ADSS2: variants seen among roughly 807,000 people sequenced by gnomAD.
ADSS2 encodes adenylosuccinate synthase 2, also known as adenylosuccinate synthetase isozyme 2.
ADSS2 carries 30 observed loss-of-function variants against 60.0 expected under a neutral mutation model. The ratio of observed to expected loss-of-function variants is 0.50; its 90% confidence interval spans 0.37 to 0.68. The LOEUF (loss-of-function observed/expected upper bound fraction) is 0.68. Among genes scored for constraint, ADSS2 ranks in the 30% least tolerant of loss-of-function variants. ADSS2 has a pLI of 0.00. For synonymous variants in ADSS2, 187 were observed against 193.1 expected, an observed-to-expected ratio of 0.97 and a Z score of 0.26; for missense variants, 373 against 554.8, an observed-to-expected ratio of 0.67 and a Z score of 3.29.
At chr1:244,450,265 T>C (rs1665505847) in intron 1 of ADSS2, among the ~76,000 whole-genome samples, 2 of 152,106 alleles carry the variant, frequency 1.3e-5, no homozygotes, top group Admixed American at 6.5e-5. Context: ...ACCCTGAAGA[T>C]TGCTAAGGTA....
intron 11 of ADSS2, among the ~76,000 whole-genome samples, chr1:244,412,138 A>G (rs930093550): frequency 1.3e-5 from 2 of 152,114 alleles, no homozygotes; most frequent in Non-Finnish European, 2.9e-5. Context: ...AATAGAAACA[A>G]CCTGGGCACT....
At chr1:244,443,767 G>A (rs1030083871) in intron 1 of ADSS2, among the ~76,000 whole-genome samples, 1 of 152,126 alleles carries the variant, frequency 6.6e-6, no homozygotes, top group South Asian at 2.1e-4. Flanking sequence ...TCCACAGATG[G>A]GGAGGCCTAG....
chr1:244,432,687 A>AC (rs566170180), intron 3 of ADSS2, 92 bp from the exon 4 acceptor site: 5 of 651,576 alleles, frequency 7.7e-6, no homozygotes, highest in South Asian at 7.4e-5. Flanking sequence ...TTTTTGAGAC[A>AC]GAGTCTCGCT....
chr1:244,426,515 C>G (rs1168440446), intron 4 of ADSS2, among the ~76,000 whole-genome samples: 1 of 152,136 alleles, frequency 6.6e-6, no homozygotes, highest in Non-Finnish European at 1.5e-5. Flanking sequence ...ATATCTGTTT[C>G]ACTTTCTACA....
intron 9 of ADSS2, among the ~76,000 whole-genome samples, chr1:244,418,359 T>C (rs1664585422): frequency 6.6e-6 from 1 of 152,254 alleles, no homozygotes; most frequent in South Asian, 2.1e-4. Flanking sequence ...TCTCGCTCTG[T>C]TGCGCCGGCT....
intron 1 of ADSS2, among the ~76,000 whole-genome samples, chr1:244,439,329 C>G (rs902587385): frequency 1.3e-5 from 2 of 152,174 alleles, no homozygotes; most frequent in African/African-American, 4.8e-5. Flanking sequence ...CTGGGTAACG[C>G]TGCTAATTAT....
chr1:244,413,359 T>C (rs754512222), intron 11 of ADSS2, among the ~76,000 whole-genome samples: 1 of 152,170 alleles, frequency 6.6e-6, no homozygotes, highest in Admixed American at 6.5e-5. Flanking sequence ...CTAGTCATCA[T>C]AAAATACACA....
At chr1:244,449,123 GAAC>G (rs927363745) in intron 1 of ADSS2, among the ~76,000 whole-genome samples, 2 of 152,144 alleles carry the variant, frequency 1.3e-5, no homozygotes, top group African/African-American at 4.8e-5. Context: ...TCCTGAATCT[GAAC>G]AACACAGGCC....
At position 244,451,487 on chromosome 1, in the gene ADSS2, C is replaced by G; in HGVS notation, c.183+148G>C. ...ACCTCCCGCCATTTCTCCACGTAGC[C>G]GCAGCTCAGGACAGGAGGAGAGAGC... On this transcript the variant is annotated intron_variant, in intron 1 of 12. Coordinates refer to ENST00000366535, the MANE Select transcript of ADSS2 (RefSeq NM_001126.5). This position sits in a 1 kb window ranked among gnomAD's most constrained non-coding sequence, Gnocchi z 6.6. 1.2e-6 allele frequency: 1 copy of G among 865,134 alleles called. No homozygotes were observed. Among genetic ancestry groups the G allele is most frequent in the South Asian group, 2.0e-5 (1 of 50,072 alleles). 53.6% of individuals were successfully genotyped at this position (865,134 alleles called of 1,614,324 possible).
At chr1:244,418,654 C>T (rs1453083923) in intron 9 of ADSS2, 106 bp downstream of exon 9, 2 of 1,188,944 alleles carry the variant, frequency 1.7e-6, no homozygotes, top group Non-Finnish European at 2.3e-6. Flanking sequence ...TTGTTCTGAC[C>T]AATCTTGCAA....
At chr1:244,441,039 C>CATTAATTA (rs1665227849) in intron 1 of ADSS2, among the ~76,000 whole-genome samples, 1 of 151,018 alleles carries the variant, frequency 6.6e-6, no homozygotes, top group Non-Finnish European at 1.5e-5. Context: ...ACCAAAAGAA[C>CATTAATTA]ATTAATTATC....
At position 244,418,405 on chromosome 1, in the gene ADSS2, T is replaced by G. The variant is rs535016890; in HGVS notation, c.945+355A>C. Among the ~76,000 whole-genome samples, 500 of 152,360 alleles carry G rather than the reference T, an allele frequency of 3.3e-3. 3 individuals are homozygous for G. The highest frequency in any genetic ancestry group is 0.011 in the African/African-American group (476 of 41,582). On this transcript the variant is annotated intron_variant, in intron 9 of 12. Coordinates refer to ENST00000366535, the MANE Select transcript of ADSS2 (RefSeq NM_001126.5). ...GGTGCCATCTCAGCTCACTGCAACC[T>G]CTGCTTCCTGGGCTCAAGTGATCCT...
intron 1 of ADSS2, among the ~76,000 whole-genome samples, chr1:244,438,466 A>T (rs1381778892): frequency 1.3e-5 from 2 of 152,238 alleles, no homozygotes; most frequent in African/African-American, 2.4e-5. Context: ...TGCAGAAATA[A>T]CAAAATGGAA....
chr1:244,415,105 A>G (rs1479154116), intron 11 of ADSS2, among the ~76,000 whole-genome samples: 1 of 152,228 alleles, frequency 6.6e-6, no homozygotes, highest in East Asian at 1.9e-4. Flanking sequence ...TTAGTTTTTA[A>G]TAGTTTAATT....
At chr1:244,452,046 C>A (rs1258391212), upstream of ADSS2, 3 of 382,190 alleles carry the variant, frequency 7.8e-6, no homozygotes, top group East Asian at 1.2e-4. Context: ...TCGGCAGCAC[C>A]GCCCGCAGGA....
chr1:244,430,848 G>A (rs189923726), intron 4 of ADSS2, among the ~76,000 whole-genome samples: 1 of 152,324 alleles, frequency 6.6e-6, no homozygotes, highest in African/African-American at 2.4e-5. Flanking sequence ...TGGGCCGGAT[G>A]CAGTGGCTCA....
chr1:244,435,189 A>AAAAAAAAC (rs1558277138), intron 3 of ADSS2, among the ~76,000 whole-genome samples: 1 of 146,618 alleles, frequency 6.8e-6, no homozygotes, highest in East Asian at 2.0e-4. Flanking sequence ...AAAAAAAAAA[A>AAAAAAAAC]AAAAAAAACA....
intron 8 of ADSS2, 93 bp from the exon 9 acceptor site, chr1:244,419,007 T>C: frequency 8.5e-7 from 1 of 1,175,702 alleles, no homozygotes; most frequent in Non-Finnish European, 1.2e-6. Context: ...TTGAGTATAT[T>C]ATAGGTATCT....
At chr1:244,431,239 T>C (rs910219805) in intron 4 of ADSS2, among the ~76,000 whole-genome samples, 3 of 152,148 alleles carry the variant, frequency 2.0e-5, no homozygotes, top group African/African-American at 7.2e-5. Context: ...ATTTTTAAAA[T>C]CAGAAGCTTA....
Sources: gnomAD v4.1 joint callset for allele counts (sites outside exome capture counted in the v4.1 genomes callset) on GRCh38, gnomAD v4.1.1 for gene constraint, Gnocchi (gnomAD v3.1) non-coding constraint, MANE v1.5 for transcripts, NCBI Gene and HGNC (gene_info 2026-07-23, HGNC 2026-07-21) for gene names.